Variants in ATP11A observed in about 807,000 individuals in gnomAD.
ATP11A encodes the protein phospholipid-transporting ATPase IH.
ATP11A carries 81 observed loss-of-function variants against 154.4 expected under a neutral mutation model. That is an observed-to-expected ratio of 0.52 (90% CI 0.44 to 0.63). ATP11A has a LOEUF of 0.63. Ranked by LOEUF, ATP11A falls within the 30% of genes least tolerant of loss-of-function variation. ATP11A has a pLI of 0.00. For synonymous variants in ATP11A, 623 were observed against 585.9 expected (o/e 1.06, Z -0.91); for missense variants, 1,316 against 1,474.3 (o/e 0.89, Z 1.76).
chr13:112,765,676 A>G (rs2077058561), intron 1 of ATP11A, among the ~76,000 whole-genome samples: 1 of 152,272 alleles, frequency 6.6e-6, no homozygotes, highest in Non-Finnish European at 1.5e-5. Flanking sequence ...TCTGAAAACT[A>G]GATTCACTTT....
rs1400770705 is a variant in ATP11A, at chr13:112,753,230, C to T, written c.40-31905C>T. Among the ~76,000 whole-genome samples, 1 of 152,164 alleles carries T rather than the reference C, an allele frequency of 6.6e-6. No individual in the cohort carries two copies. ...TGATGTTCCCCTGTGGACTCAACCT[C>T]CCCCGCCCCTGGCCGCCCCACATCA... On this transcript the variant is annotated intron_variant, in intron 1 of 29. Transcript: ENST00000375645. The surrounding 1 kb of genome is among the most constrained non-coding windows in gnomAD (Gnocchi z 4.1).
At chr13:112,802,154 C>G (rs1254722766) in intron 2 of ATP11A, among the ~76,000 whole-genome samples, 2 of 152,070 alleles carry the variant, frequency 1.3e-5, no homozygotes, top group African/African-American at 4.8e-5. Flanking sequence ...ACCAACCTGG[C>G]CAACACGATG....
intron 19 of ATP11A, among the ~76,000 whole-genome samples, chr13:112,855,326 C>T (rs927962442): frequency 6.6e-6 from 1 of 152,160 alleles, no homozygotes; most frequent in Non-Finnish European, 1.5e-5. Context: ...CTCAGCTTCC[C>T]AAGTAGCTGG....
chr13:112,723,049 C>T (rs777986795), intron 1 of ATP11A, among the ~76,000 whole-genome samples: 6 of 152,038 alleles, frequency 3.9e-5, no homozygotes, highest in Non-Finnish European at 7.4e-5. Flanking sequence ...TAAGGAGGCC[C>T]TGTCAGAGTC....
chr13:112,875,960 C>CG lies in ATP11A; in HGVS notation c.3327+23dup. On this transcript the variant is annotated intron_variant, in intron 28 of 29. Coordinates refer to ENST00000375645, the MANE Select transcript of ATP11A (RefSeq NM_015205.3). This position sits in a 1 kb window ranked among gnomAD's most constrained non-coding sequence, Gnocchi z 4.1. ...AGTCCAGGTACGGAGTGTCCCCAGCCGGGGCGGGGGTGCCTCAGGGCCCTG... is the reference window on the plus strand; with the variant it reads ...AGTCCAGGTACGGAGTGTCCCCAGCCGGGGGCGGGGGTGCCTCAGGGCCCTG... 2 of 1,598,420 alleles carry CG rather than the reference C, an allele frequency of 1.3e-6. No homozygotes were observed. The highest frequency in any genetic ancestry group is 2.0e-4 in the Middle Eastern group (1 of 5,124).
At chr13:112,712,704 T>C (rs1887905832) in intron 1 of ATP11A, among the ~76,000 whole-genome samples, 1 of 152,202 alleles carries the variant, frequency 6.6e-6, no homozygotes, top group African/African-American at 2.4e-5. Flanking sequence ...TGTGGCTCTA[T>C]GGCCGGACCA....
At chr13:112,703,946 A>G (rs1886867311) in intron 1 of ATP11A, among the ~76,000 whole-genome samples, 1 of 152,212 alleles carries the variant, frequency 6.6e-6, no homozygotes. Context: ...TGGTTCTTCC[A>G]GTAAATGGAA....
rs546388200 is a variant in ATP11A, at chr13:112,805,779, C to T, written c.253-434C>T. ...GAAAAAAAAGAGTGAAAAAATATCT[C>T]GGGGTATGAGTTAGGGAGCAATGTG... On this transcript the variant is annotated intron_variant, in intron 3 of 29. Transcript: ENST00000375645. Among the ~76,000 whole-genome samples the T allele has an allele frequency of 4.6e-5, 7 of 151,914 alleles. 1 individual carries two copies. Among genetic ancestry groups the T allele is most frequent in the African/African-American group, 1.4e-4 (6 of 41,430 alleles).
chr13:112,717,077 T>C (rs966538200), intron 1 of ATP11A, among the ~76,000 whole-genome samples: 6 of 152,082 alleles, frequency 3.9e-5, no homozygotes, highest in African/African-American at 1.4e-4. Flanking sequence ...AGGGGGAGGC[T>C]TCTGTTGTGA....
intron 8 of ATP11A, among the ~76,000 whole-genome samples, chr13:112,820,932 C>T (rs2078781578): frequency 6.6e-6 from 1 of 152,214 alleles, no homozygotes; most frequent in South Asian, 2.1e-4. Flanking sequence ...CCTTGTAAGT[C>T]TCCAGGAGCT....
chr13:112,757,362 A>G (rs2076865360), intron 1 of ATP11A, among the ~76,000 whole-genome samples: 1 of 152,252 alleles, frequency 6.6e-6, no homozygotes, highest in Non-Finnish European at 1.5e-5. Flanking sequence ...TCTAGAAGGC[A>G]ATGTGTTTAA....
intron 5 of ATP11A, among the ~76,000 whole-genome samples, chr13:112,815,632 GT>G (rs1191302917): frequency 6.6e-6 from 1 of 152,198 alleles, no homozygotes; most frequent in African/African-American, 2.4e-5. Flanking sequence ...TTTTACTTTA[GT>G]TTTTGAAACA....
At position 112,883,171 on chromosome 13, in the gene ATP11A, G is replaced by A. The variant is rs560047539; in HGVS notation, c.*1305G>A. On this transcript the variant is annotated 3_prime_UTR_variant, in exon 30 of 30. Coordinates refer to ENST00000375645, the MANE Select transcript of ATP11A (RefSeq NM_015205.3). ...CCTTGTCCCGTCCCCACATACCCTC[G>A]TCCCCATGTCCCCACGCAGGGCTCT... The A allele has an allele frequency of 2.8e-5, 11 of 395,670 alleles. No homozygotes were observed. The highest frequency in any genetic ancestry group is 6.3e-5 in the African/African-American group (3 of 47,424). The allele number at this position is 395,670 out of a possible 1,614,324, so 24.5% of individuals were successfully genotyped here.
chr13:112,788,849 A>G (rs2077740615), intron 2 of ATP11A, among the ~76,000 whole-genome samples: 2 of 151,358 alleles, frequency 1.3e-5, no homozygotes, highest in East Asian at 2.0e-4. Flanking sequence ...GTGGCGACCT[A>G]CTTAATTCAC....
chr13:112,880,394 G>A (rs1035956295), intron 29 of ATP11A: 11 of 542,244 alleles, frequency 2.0e-5, no homozygotes, highest in South Asian at 1.5e-4. Flanking sequence ...CCAAGCCCTC[G>A]CCCTGGCAGC....
chr13:112,742,686 A>T (rs975647972), intron 1 of ATP11A, among the ~76,000 whole-genome samples: 1 of 152,192 alleles, frequency 6.6e-6, no homozygotes, highest in African/African-American at 2.4e-5. Flanking sequence ...TATTTCACTT[A>T]GATGGTATCC....
In ATP11A at chr13:112,819,394, C is replaced by T. The variant is rs2078734234; in HGVS notation, c.661C>T (p.Pro221Ser). 6.2e-7 allele frequency: 1 copy of T among 1,614,168 alleles called. No individual in the cohort carries two copies. Among genetic ancestry groups the T allele is most frequent in the Non-Finnish European group, 8.5e-7 (1 of 1,180,022 alleles). Residue 221 changes from proline to serine, a missense_variant, in exon 7 of 30, where the codon CCC (proline) becomes TCC (serine). By Grantham distance (74) the Pro-to-Ser change is moderately conservative (BLOSUM62 -1). Coordinates refer to ENST00000375645, the MANE Select transcript of ATP11A (RefSeq NM_015205.3). ...CACCATCGAGTGTGAGCAGCCCCAG[C>T]CCGACCTCTACAAGTAAGCGGGAGC... ...HATIECEQPQPDLYKFVGRIN... is the reference protein window; with the variant it reads ...HATIECEQPQSDLYKFVGRIN...
At chr13:112,812,851 G>C (rs189113127) in intron 5 of ATP11A, among the ~76,000 whole-genome samples, 1 of 152,212 alleles carries the variant, frequency 6.6e-6, no homozygotes, top group Non-Finnish European at 1.5e-5. Context: ...GAACAGCCGC[G>C]AGCTCCATGC....
intron 1 of ATP11A, among the ~76,000 whole-genome samples, chr13:112,713,031 C>T (rs985112514): frequency 5.3e-5 from 8 of 152,230 alleles, no homozygotes; most frequent in Non-Finnish European, 8.8e-5. Flanking sequence ...ATTTAGAGCA[C>T]GCTCGACTGT....
Sources: allele counts gnomAD v4.1 joint callset (sites outside exome capture counted in the v4.1 genomes callset), GRCh38; gene constraint gnomAD v4.1.1; non-coding constraint Gnocchi (gnomAD v3.1); transcripts MANE v1.5; gene names NCBI Gene and HGNC (gene_info 2026-07-23, HGNC 2026-07-21).